The following VIT variants were observed in gnomAD, a reference collection of about 807,000 sequenced individuals.
VIT encodes the protein vitrin.
A neutral mutation model predicts 78.0 loss-of-function variants in VIT; 99 were observed. The observed-to-expected ratio is 1.27, with a 90% CI of 1.08 to 1.50. The LOEUF is 1.50. Ranked by LOEUF, VIT falls within the 40% of genes most tolerant of loss-of-function variation. The pLI, the probability that VIT is intolerant of heterozygous loss-of-function variation, is 0.00. For missense variants in VIT, 1,126 were observed against 875.3 expected (o/e 1.29, Z -3.61); for synonymous variants, 374 against 334.3 (o/e 1.12, Z -1.29).
chr2:36,808,628 G>A lies in VIT; in HGVS notation c.1546G>A (p.Asp516Asn), dbSNP rs751543315. 1.3e-5 allele frequency: 21 copies of A among 1,614,104 alleles called. No homozygotes were observed. The Admixed American group carries it at 2.8e-4, about 22-fold the overall frequency. Residue 516 changes from aspartate to asparagine, a missense_variant, in exon 15 of 16, where the codon GAC becomes AAC. Asp to Asn is a conservative substitution (Grantham distance 23). Transcript: ENST00000379242. ...LNSADIGFVI[D>N]GSSSVGTGNF... ...CTCGGCTGACATTGGCTTCGTCATC[G>A]ACGGCTCCAGCAGTGTGGGGACGGG...
At position 36,805,998 on chromosome 2, in the gene VIT, T is replaced by A. The variant is rs189824472; in HGVS notation, c.1389+334T>A. The stretch of plus-strand genomic sequence containing the variant: ...AGCGAACATACTCTCTCTCTCTCTC[T>A]CACACACACACACACGCACACACAC... On this transcript the variant is annotated intron_variant, in intron 14 of 15. Coordinates refer to ENST00000379242, the MANE Select transcript of VIT (RefSeq NM_053276.4). Among the ~76,000 whole-genome samples, 469 of 150,886 alleles carry A rather than the reference T, an allele frequency of 3.1e-3. 1 individual carries two copies. Among genetic ancestry groups the A allele is most frequent in the African/African-American group, 9.6e-3 (393 of 41,148 alleles).
At chr2:36,702,442 T>C (rs1665123770) in intron 1 of VIT, among the ~76,000 whole-genome samples, 1 of 151,882 alleles carries the variant, frequency 6.6e-6, no homozygotes, top group Non-Finnish European at 1.5e-5. Context: ...CATATTCCAC[T>C]CCCAAACAAT....
In VIT at chr2:36,801,416, G is replaced by A. The variant is rs756796548; in HGVS notation, c.1162+12G>A. 1.3e-5 allele frequency: 21 copies of A among 1,589,172 alleles called. No homozygotes were observed. Among genetic ancestry groups the A allele is most frequent in the Middle Eastern group, 1.7e-4 (1 of 6,044 alleles). ...ACTTTCTAATGTAGGTATGTGATCC[G>A]GATTCAAATTATACTATCTTGCTAC... On this transcript the variant is annotated intron_variant, in intron 13 of 15. Coordinates refer to ENST00000379242, the MANE Select transcript of VIT (RefSeq NM_053276.4).
intron 3 of VIT, among the ~76,000 whole-genome samples, chr2:36,740,091 T>G: frequency 6.6e-6 from 1 of 152,254 alleles, no homozygotes; most frequent in Non-Finnish European, 1.5e-5. Flanking sequence ...GCCTTAATTT[T>G]AGCTTATCTT....
intron 1 of VIT, among the ~76,000 whole-genome samples, chr2:36,700,522 G>A (rs918574764): frequency 2.0e-5 from 3 of 152,018 alleles, no homozygotes; most frequent in Non-Finnish European, 4.4e-5. Flanking sequence ...CAGGAGAATT[G>A]CCTGAGGCCA....
At chr2:36,783,534 C>A in intron 11 of VIT, 132 bp downstream of exon 11, 1 of 835,924 alleles carries the variant, frequency 1.2e-6, no homozygotes. Context: ...TCTTCTGACA[C>A]CTTGTTCTAA....
chr2:36,697,386 C>T (rs1400314536), intron 1 of VIT, among the ~76,000 whole-genome samples: 1 of 152,188 alleles, frequency 6.6e-6, no homozygotes, highest in African/African-American at 2.4e-5. Flanking sequence ...TTGTGAATGG[C>T]AGTATGAGAA....
At chr2:36,749,357 G>A (rs1668322828) in intron 4 of VIT, among the ~76,000 whole-genome samples, 1 of 152,188 alleles carries the variant, frequency 6.6e-6, no homozygotes, top group African/African-American at 2.4e-5. Flanking sequence ...AAGGAAGACA[G>A]GAGGCATGGC....
At chr2:36,744,809 C>A (rs1469206364) in intron 4 of VIT, among the ~76,000 whole-genome samples, 1 of 152,064 alleles carries the variant, frequency 6.6e-6, no homozygotes, top group Non-Finnish European at 1.5e-5. Context: ...GTGCAGAGCT[C>A]TTTAGTTTAA....
intron 12 of VIT, among the ~76,000 whole-genome samples, chr2:36,793,249 C>A (rs902745080): frequency 2.6e-5 from 4 of 152,084 alleles, no homozygotes; most frequent in African/African-American, 9.7e-5. Context: ...TCATGCAGCT[C>A]AATTTTCTAC....
intron 3 of VIT, among the ~76,000 whole-genome samples, chr2:36,730,663 A>C (rs1055350345): frequency 3.9e-5 from 6 of 152,216 alleles, no homozygotes; most frequent in Non-Finnish European, 8.8e-5. Flanking sequence ...GCTTATACTC[A>C]TGTTCAGCAG....
chr2:36,791,183 A>G (rs1396325588), intron 12 of VIT, among the ~76,000 whole-genome samples: 1 of 152,200 alleles, frequency 6.6e-6, no homozygotes, highest in Non-Finnish European at 1.5e-5. Flanking sequence ...TCATGAGTCT[A>G]TAATAGCTGT....
intron 15 of VIT, among the ~76,000 whole-genome samples, chr2:36,811,661 TC>T (rs1382361346): frequency 6.6e-6 from 1 of 151,810 alleles, no homozygotes; most frequent in South Asian, 2.1e-4. Context: ...TTCTTTTTTT[TC>T]TTTCTTTCTT....
At chr2:36,698,426 CAGTATG>C (rs1664805548) in intron 1 of VIT, among the ~76,000 whole-genome samples, 1 of 152,164 alleles carries the variant, frequency 6.6e-6, no homozygotes, top group African/African-American at 2.4e-5. Flanking sequence ...TACAGGAAAG[CAGTATG>C]GTTCAATGCA....
intron 15 of VIT, among the ~76,000 whole-genome samples, chr2:36,810,632 A>T (rs1001935005): frequency 3.5e-5 from 5 of 141,900 alleles, no homozygotes; most frequent in East Asian, 2.0e-4. Flanking sequence ...CTGTGCCTAA[A>T]TTTTTTTTTT....
At chr2:36,760,086 C>T (rs1669017501) in intron 6 of VIT, among the ~76,000 whole-genome samples, 1 of 151,930 alleles carries the variant, frequency 6.6e-6, no homozygotes, top group African/African-American at 2.4e-5. Flanking sequence ...CCTCTGCCTC[C>T]CAGGTTCAAG....
chr2:36,700,808 A>G (rs1179962401), intron 1 of VIT, among the ~76,000 whole-genome samples: 2 of 152,112 alleles, frequency 1.3e-5, no homozygotes, highest in African/African-American at 2.4e-5. Flanking sequence ...CCCACTGTTC[A>G]AGCCCTTTTC....
At chr2:36,773,924 C>A in intron 8 of VIT, 77 bp downstream of exon 8, 2 of 1,425,264 alleles carry the variant, frequency 1.4e-6, no homozygotes, top group South Asian at 1.5e-5. Flanking sequence ...CACATCTTTG[C>A]CATTTAATTT....
intron 1 of VIT, among the ~76,000 whole-genome samples, chr2:36,704,355 A>G (rs1665278166): frequency 6.6e-6 from 1 of 152,208 alleles, no homozygotes; most frequent in Non-Finnish European, 1.5e-5. Flanking sequence ...TGCAGCATAT[A>G]GGAAACATGT....
Sources: gnomAD v4.1 joint callset for allele counts (sites outside exome capture counted in the v4.1 genomes callset) on GRCh38, gnomAD v4.1.1 for gene constraint, MANE v1.5 for transcripts, NCBI Gene and HGNC (gene_info 2026-07-23, HGNC 2026-07-21) for gene names.